NRXN3: variants seen among roughly 807,000 people sequenced by gnomAD.
NRXN3 encodes the protein neurexin 3.
In NRXN3, 32 loss-of-function variants were observed where a neutral mutation model predicts 137.6. That is an observed-to-expected ratio of 0.23 (90% CI 0.18 to 0.31). The LOEUF is 0.31. Among genes scored for constraint, NRXN3 ranks in the 10% least tolerant of loss-of-function variants. NRXN3 has a pLI of 1.00. For missense variants in NRXN3, 1,574 were observed against 2,062.5 expected (o/e 0.76, Z 4.59); for synonymous variants, 798 against 784.5 (o/e 1.02, Z -0.29).
At chr14:78,553,029 G>T (rs895633128) in intron 4 of NRXN3, among the ~76,000 whole-genome samples, 1 of 152,052 alleles carries the variant, frequency 6.6e-6, no homozygotes, top group Non-Finnish European at 1.5e-5. Context: ...CCCATTTATT[G>T]TGAATTCACT....
At chr14:79,558,546 C>A (rs2097454960) in intron 16 of NRXN3, among the ~76,000 whole-genome samples, 1 of 150,198 alleles carries the variant, frequency 6.7e-6, no homozygotes, top group Non-Finnish European at 1.5e-5. Flanking sequence ...ATAGGATGTT[C>A]TTTTCTCTCT....
intron 4 of NRXN3, among the ~76,000 whole-genome samples, chr14:78,612,988 C>T (rs1462462227): frequency 6.6e-6 from 1 of 152,182 alleles, no homozygotes; most frequent in African/African-American, 2.4e-5. Flanking sequence ...AGTGTCATAT[C>T]ACATAATCAT....
chr14:78,799,582 C>T (rs2098832449), intron 8 of NRXN3, among the ~76,000 whole-genome samples: 2 of 152,192 alleles, frequency 1.3e-5, no homozygotes, highest in Admixed American at 1.3e-4. Flanking sequence ...GGTATCTTTA[C>T]AGCAGTGCCT....
At chr14:78,489,289 G>A (rs1386837476) in intron 4 of NRXN3, among the ~76,000 whole-genome samples, 1 of 152,162 alleles carries the variant, frequency 6.6e-6, no homozygotes, top group African/African-American at 2.4e-5. Context: ...TTGCTGTCAG[G>A]TTGTTCATCT....
At chr14:78,387,461 T>C (rs564750071) in intron 4 of NRXN3, among the ~76,000 whole-genome samples, 29 of 152,304 alleles carry the variant, frequency 1.9e-4, no homozygotes, top group African/African-American at 6.7e-4. Context: ...CTCCTTTCCA[T>C]AAAGAGCTTG....
At chr14:79,258,308 G>A (rs937813151) in intron 15 of NRXN3, among the ~76,000 whole-genome samples, 22 of 152,138 alleles carry the variant, frequency 1.4e-4, no homozygotes, top group Admixed American at 1.2e-3. Flanking sequence ...AGTGATTCTC[G>A]ATTCTGGTGC....
chr14:78,956,656 G>A (rs1023062474), intron 10 of NRXN3, among the ~76,000 whole-genome samples: 1 of 152,160 alleles, frequency 6.6e-6, no homozygotes, highest in African/African-American at 2.4e-5. Context: ...CATTATTTAT[G>A]ATGGGGTTTA....
intron 4 of NRXN3, among the ~76,000 whole-genome samples, chr14:78,550,136 G>A (rs1419396461): frequency 6.6e-6 from 1 of 151,386 alleles, no homozygotes; most frequent in East Asian, 1.9e-4. Flanking sequence ...CCAGGCTCAA[G>A]TGATCCTCCC....
intron 19 of NRXN3, among the ~76,000 whole-genome samples, chr14:79,717,051 C>CT (rs775529832): frequency 7.2e-5 from 11 of 152,168 alleles, no homozygotes; most frequent in African/African-American, 9.7e-5. Flanking sequence ...AGACAAGGCT[C>CT]TTTTTCCTTT....
intron 19 of NRXN3, among the ~76,000 whole-genome samples, chr14:79,765,935 A>G (rs1369029817): frequency 1.3e-5 from 2 of 152,198 alleles, no homozygotes; most frequent in African/African-American, 4.8e-5. Flanking sequence ...TTCAACAATA[A>G]CTCCACACAT....
chr14:79,432,372 G>A (rs2095774791), intron 15 of NRXN3, among the ~76,000 whole-genome samples: 1 of 152,092 alleles, frequency 6.6e-6, no homozygotes, highest in African/African-American at 2.4e-5. Flanking sequence ...CTCAGCTTCA[G>A]GAGAAACCAG....
At chr14:78,982,099 C>A (rs752916172) in intron 14 of NRXN3, among the ~76,000 whole-genome samples, 2 of 152,040 alleles carry the variant, frequency 1.3e-5, no homozygotes, top group Non-Finnish European at 2.9e-5. Flanking sequence ...ACCACCCCAC[C>A]CACCCTAAGA....
intron 15 of NRXN3, among the ~76,000 whole-genome samples, chr14:79,221,117 T>C (rs1597427608): frequency 6.6e-6 from 1 of 152,162 alleles, no homozygotes; most frequent in South Asian, 2.1e-4. Flanking sequence ...TATTCCATGG[T>C]GTATATGTGC....
intron 4 of NRXN3, among the ~76,000 whole-genome samples, chr14:78,567,841 C>A (rs906416772): frequency 3.3e-5 from 5 of 152,080 alleles, no homozygotes; most frequent in Admixed American, 6.5e-5. Flanking sequence ...GACACTGGGA[C>A]TTATAACTGG....
At chr14:79,005,070 C>T (rs978820059) in intron 15 of NRXN3, among the ~76,000 whole-genome samples, 28 of 152,272 alleles carry the variant, frequency 1.8e-4, no homozygotes, top group Non-Finnish European at 2.6e-4. Context: ...GGTACTGCTT[C>T]CTAAGTTTTC....
intron 10 of NRXN3, among the ~76,000 whole-genome samples, chr14:78,943,676 A>G (rs375740568): frequency 5.6e-5 from 6 of 108,060 alleles, no homozygotes; most frequent in South Asian, 3.3e-4. Flanking sequence ...ATATATATAT[A>G]TATCTCAAAG....
Position 79,867,730 on chromosome 14 carries a change from C to T in NRXN3, c.*5766C>T, listed in dbSNP as rs1250985225. ...TATCAAGGGAATCAGAATTGGGAAG[C>T]AATTCTAACCTTTTTGAAGTGGTTA... On this transcript the variant is annotated 3_prime_UTR_variant, in exon 21 of 21. Transcript: ENST00000335750. 6.6e-6 allele frequency: 1 copy of T among 152,044 alleles called. No individual in the cohort carries two copies. The highest frequency in any genetic ancestry group is 1.5e-5 in the Non-Finnish European group (1 of 68,032). The allele number at this position is 152,044 out of a possible 1,614,324, so 9.4% of individuals were successfully genotyped here.
intron 15 of NRXN3, among the ~76,000 whole-genome samples, chr14:79,009,683 G>T (rs1185222134): frequency 6.6e-6 from 1 of 152,144 alleles, no homozygotes; most frequent in Admixed American, 6.6e-5. Flanking sequence ...TGCTGTGATT[G>T]AAACCCGTCT....
At chr14:78,322,648 C>G (rs41432549) in intron 4 of NRXN3, among the ~76,000 whole-genome samples, 1 of 151,746 alleles carries the variant, frequency 6.6e-6, no homozygotes, top group African/African-American at 2.4e-5. Context: ...GCCTGGCATT[C>G]GGTACTTCAC....
Sources: gnomAD v4.1 joint callset for allele counts (sites outside exome capture counted in the v4.1 genomes callset) on GRCh38, gnomAD v4.1.1 for gene constraint, MANE v1.5 for transcripts, NCBI Gene and HGNC (gene_info 2026-07-23, HGNC 2026-07-21) for gene names.